KCND2: variants seen among roughly 807,000 people sequenced by gnomAD.
KCND2 encodes the protein A-type voltage-gated potassium channel KCND2.
In KCND2, 16 loss-of-function variants were observed where a neutral mutation model predicts 54.4. The observed-to-expected ratio is 0.29, with a 90% confidence interval of 0.20 to 0.45. The LOEUF (loss-of-function observed/expected upper bound fraction) is 0.45, where lower values mean the gene tolerates loss of function less well. Among genes scored for constraint, KCND2 ranks in the 20% least tolerant of loss-of-function variants. KCND2 has a pLI of 1.00. For synonymous variants in KCND2, 317 were observed against 310.7 expected (o/e 1.02, Z -0.21); for missense variants, 486 against 824.2 (o/e 0.59, Z 5.02).
At chr7:120,339,310 C>G (rs1800204592) in intron 1 of KCND2, among the ~76,000 whole-genome samples, 1 of 151,724 alleles carries the variant, frequency 6.6e-6, no homozygotes, top group African/African-American at 2.4e-5. Context: ...CAAGCACAGA[C>G]TAGAAAAGCA....
chr7:120,493,224 C>G (rs1802808561), intron 1 of KCND2, among the ~76,000 whole-genome samples: 1 of 150,366 alleles, frequency 6.7e-6, no homozygotes, highest in Non-Finnish European at 1.5e-5. Context: ...ATATATATCT[C>G]CTAAAGTTTC....
chr7:120,372,386 C>CAGTT (rs370368954), intron 1 of KCND2, among the ~76,000 whole-genome samples: 22 of 151,706 alleles, frequency 1.5e-4, no homozygotes, highest in African/African-American at 4.6e-4. Context: ...CTCTCATAAA[C>CAGTT]GGTTTCAAAA....
chr7:120,632,717 T>C (rs1299665187), intron 1 of KCND2, among the ~76,000 whole-genome samples: 1 of 152,210 alleles, frequency 6.6e-6, no homozygotes, highest in Non-Finnish European at 1.5e-5. Flanking sequence ...TGAGTTGTTT[T>C]ACTGTTTTAA....
intron 2 of KCND2, among the ~76,000 whole-genome samples, chr7:120,735,285 C>A (rs1193472125): frequency 2.0e-5 from 3 of 152,082 alleles, no homozygotes; most frequent in African/African-American, 7.2e-5. Context: ...CCACAACTGA[C>A]CCCACCACCA....
Position 120,337,106 on chromosome 7 carries a change from C to T in KCND2, c.1115+61359C>T, listed in dbSNP as rs561820808. Among the ~76,000 whole-genome samples the T allele has an allele frequency of 3.3e-5, 5 of 151,750 alleles. No individual in the cohort carries two copies. In the East Asian group the frequency reaches 5.8e-4, roughly 18 times the overall value. On this transcript the variant is annotated intron_variant, in intron 1 of 5. Coordinates refer to ENST00000331113, the MANE Select transcript of KCND2 (RefSeq NM_012281.3). ...GTAACTTTAAGGTTTCTCACAATTT[C>T]GAGAGCTTGTCATGCTACAAGGTGA...
chr7:120,679,981 G>A (rs1277256681), intron 1 of KCND2, among the ~76,000 whole-genome samples: 2 of 152,102 alleles, frequency 1.3e-5, no homozygotes, highest in African/African-American at 4.8e-5. Context: ...AAAAGTCAGA[G>A]ACGGTTTAGA....
chr7:120,497,631 A>T (rs899795833), intron 1 of KCND2, among the ~76,000 whole-genome samples: 1 of 152,176 alleles, frequency 6.6e-6, no homozygotes, highest in African/African-American at 2.4e-5. Flanking sequence ...CTTATATTGC[A>T]AGTTTGTAAA....
intron 5 of KCND2, among the ~76,000 whole-genome samples, chr7:120,747,108 C>T (rs944477487): frequency 6.6e-6 from 1 of 152,058 alleles, no homozygotes; most frequent in African/African-American, 2.4e-5. Flanking sequence ...TCTCTCATTT[C>T]CCTTTTATCC....
chr7:120,523,360 G>A (rs1055266121), intron 1 of KCND2, among the ~76,000 whole-genome samples: 4 of 151,532 alleles, frequency 2.6e-5, no homozygotes, highest in Admixed American at 1.3e-4. Flanking sequence ...CAGAAAAAAA[G>A]TAATTTCATT....
At position 120,742,503 on chromosome 7, in the gene KCND2, T is replaced by G. The variant is rs778345999; in HGVS notation, c.1375-7T>G. 2.5e-6 allele frequency: 4 copies of G among 1,611,810 alleles called. No homozygotes were observed. Among genetic ancestry groups the G allele is most frequent in the African/African-American group, 2.7e-5 (2 of 74,850 alleles). The stretch of plus-strand genomic sequence containing the variant: ...AGAAAGCTCTTCTGTCTTCTCTTTG[T>G]TAACAGTCCTCAGAGGATGAGCAGG... On this transcript the variant is annotated splice_region_variant and splice_polypyrimidine_tract_variant and intron_variant, in intron 3 of 5. Coordinates refer to ENST00000331113, the MANE Select transcript of KCND2 (RefSeq NM_012281.3).
chr7:120,643,353 T>C, intron 1 of KCND2, among the ~76,000 whole-genome samples: 1 of 152,106 alleles, frequency 6.6e-6, no homozygotes. Flanking sequence ...TGAAGTTAAA[T>C]TTATCATATG....
At chr7:120,294,027 C>T (rs1045401151) in intron 1 of KCND2, among the ~76,000 whole-genome samples, 3 of 151,888 alleles carry the variant, frequency 2.0e-5, no homozygotes, top group African/African-American at 7.2e-5. Flanking sequence ...CTCTTGCATT[C>T]GTTTGTGATT....
Position 120,461,792 on chromosome 7 carries a change from C to A in KCND2, c.1115+186045C>A, listed in dbSNP as rs1802287894. 2.6e-5 allele frequency among the ~76,000 whole-genome samples: 4 copies of A among 151,942 alleles called. No homozygotes were observed. The South Asian group carries it at 8.3e-4, about 32-fold the overall frequency. On this transcript the variant is annotated intron_variant, in intron 1 of 5. Coordinates refer to ENST00000331113, the MANE Select transcript of KCND2 (RefSeq NM_012281.3). ...TGTTCCCATTTAATTCTGCTTGTGTCACCTTTCTAAAATCATAATCTTCCC... is the reference window on the plus strand; with the variant it reads ...TGTTCCCATTTAATTCTGCTTGTGTAACCTTTCTAAAATCATAATCTTCCC...
intron 1 of KCND2, among the ~76,000 whole-genome samples, chr7:120,428,903 A>G (rs1801752703): frequency 6.6e-6 from 1 of 152,092 alleles, no homozygotes; most frequent in Non-Finnish European, 1.5e-5. Flanking sequence ...CTTTATTTTT[A>G]CCTCTCCAAT....
chr7:120,647,974 C>T (rs112680349), intron 1 of KCND2, among the ~76,000 whole-genome samples: 3 of 152,204 alleles, frequency 2.0e-5, no homozygotes, highest in African/African-American at 7.2e-5. Context: ...GCTTTGTCGG[C>T]ATGTCTAAGT....
intron 1 of KCND2, among the ~76,000 whole-genome samples, chr7:120,309,081 C>A (rs1049115043): frequency 5.3e-5 from 8 of 151,944 alleles, no homozygotes; most frequent in African/African-American, 1.9e-4. Context: ...GTGCTTTTTA[C>A]AAGGAACACA....
intron 1 of KCND2, among the ~76,000 whole-genome samples, chr7:120,608,101 G>A (rs1792905429): frequency 6.6e-6 from 1 of 151,576 alleles, no homozygotes; most frequent in African/African-American, 2.4e-5. Flanking sequence ...CTTTATATGT[G>A]TATAAATATT....
At chr7:120,470,833 T>C (rs1377767948) in intron 1 of KCND2, among the ~76,000 whole-genome samples, 1 of 131,826 alleles carries the variant, frequency 7.6e-6, no homozygotes, top group Admixed American at 8.6e-5. Context: ...ATTTAAAATA[T>C]ATAATATAAG....
At chr7:120,354,049 A>G (rs1800455253) in intron 1 of KCND2, among the ~76,000 whole-genome samples, 1 of 152,164 alleles carries the variant, frequency 6.6e-6, no homozygotes, top group Non-Finnish European at 1.5e-5. Flanking sequence ...TCTGCTTCAT[A>G]TGAAAGTACA....
Sources: gnomAD v4.1 joint callset for allele counts (sites outside exome capture counted in the v4.1 genomes callset) on GRCh38, gnomAD v4.1.1 for gene constraint, MANE v1.5 for transcripts, NCBI Gene and HGNC (gene_info 2026-07-23, HGNC 2026-07-21) for gene names.